The following CFAP74 variants were observed in gnomAD, a reference collection of about 807,000 sequenced individuals.
CFAP74 encodes cilia and flagella associated protein 74.
Under a neutral mutation model 188.9 loss-of-function variants are expected in CFAP74, and 124 were observed. The ratio of observed to expected loss-of-function variants is 0.66; its 90% CI spans 0.57 to 0.76. The LOEUF is 0.76. Among genes scored for constraint, CFAP74 ranks in the 30% least tolerant of loss-of-function variants. The pLI, the probability that CFAP74 is intolerant of heterozygous loss-of-function variation, is 0.00. For missense variants in CFAP74, 2,198 were observed against 2,165.2 expected, an observed-to-expected ratio of 1.02 and a Z score of -0.30; for synonymous variants, 956 against 916.7, an observed-to-expected ratio of 1.04 and a Z score of -0.77.
rs1570818747 is a variant in CFAP74 at position 1,927,457 on chromosome 1, C to T, written c.3527+150G>A. 7.8e-6 allele frequency: 6 copies of T among 769,300 alleles called. No homozygotes were observed. The East Asian group carries it at 1.6e-4, about 21-fold the overall frequency. The allele number at this position is 769,300 out of a possible 1,614,324, so 47.7% of individuals were successfully genotyped here. A position where few individuals can be genotyped will look rare whatever the true frequency, so the allele number is the denominator to read the frequency against. ...TGGGTAGGTCCCAGGAAGGCAGCACCTGGATCCAGCTGTGTCTGAAGGCAT... is the reference window on the plus strand; with the variant it reads ...TGGGTAGGTCCCAGGAAGGCAGCACTTGGATCCAGCTGTGTCTGAAGGCAT... On this transcript the variant is annotated intron_variant, in intron 28 of 38. Transcript: ENST00000682832.
intron 3 of CFAP74, 39 bp downstream of exon 3, chr1:1,988,836 ACCCCCACCCCCACC>A (rs1657403397): frequency 8.9e-6 from 1 of 112,280 alleles, no homozygotes; most frequent in African/African-American, 1.7e-4. Flanking sequence ...CCCCACCCCC[ACCCCCACCCCCACC>A]CCCCCACACC....
chr1:1,934,565 G>A (rs3121831), intron 25 of CFAP74, among the ~76,000 whole-genome samples: 69,554 of 137,446 alleles, frequency 0.51, 16,217 homozygotes, highest in East Asian at 0.6. Context: ...AGGTACACAC[G>A]TGTGTACGTG....
chr1:2,001,408 C>A (rs1270437522), intron 1 of CFAP74, among the ~76,000 whole-genome samples: 1 of 151,784 alleles, frequency 6.6e-6, no homozygotes, highest in Non-Finnish European at 1.5e-5. Flanking sequence ...CGGCTCACTG[C>A]AAACTCCGCC....
chr1:1,958,210 G>A (rs1271733548), intron 16 of CFAP74, among the ~76,000 whole-genome samples: 1 of 152,256 alleles, frequency 6.6e-6, no homozygotes, highest in Non-Finnish European at 1.5e-5. Flanking sequence ...TGACCATGAG[G>A]GCGTCTGCTG....
rs754382300 is a variant in CFAP74 at position 1,986,968 on chromosome 1, C to T, written c.364G>A (p.Glu122Lys). 14 of 1,601,610 alleles carry T rather than the reference C, an allele frequency of 8.7e-6. No individual in the cohort carries two copies. Among genetic ancestry groups the T allele is most frequent in the Middle Eastern group, 3.3e-4 (2 of 6,076 alleles). The change falls in exon 5 of 39, where the codon GAG becomes AAG. Residue 122 changes from glutamate (E) to lysine (K), a missense_variant. Transcript: ENST00000682832. ...IDKQQEAVAA[E>K]IATEEEAGNM... Reference sequence around the variant, plus strand: ...CCCGCCTCTTCCTCTGTGGCGATCTCGGCTGCCACAGCCTCCTGCTGCTTG... The same window carrying T: ...CCCGCCTCTTCCTCTGTGGCGATCTTGGCTGCCACAGCCTCCTGCTGCTTG...
intron 6 of CFAP74, among the ~76,000 whole-genome samples, chr1:1,983,176 T>C (rs957796732): frequency 6.6e-6 from 1 of 151,850 alleles, no homozygotes; most frequent in Non-Finnish European, 1.5e-5. Context: ...AGCCAACTAA[T>C]AGGAAGGGAT....
intron 1 of CFAP74, among the ~76,000 whole-genome samples, chr1:1,994,455 T>C (rs1657805062): frequency 6.6e-6 from 1 of 152,210 alleles, no homozygotes; most frequent in Non-Finnish European, 1.5e-5. Context: ...ATGCCAGTAA[T>C]TTTTTAAACT....
chr1:1,986,914 G>T (rs1404531054), intron 5 of CFAP74, 23 bp downstream of exon 5: 1 of 1,590,880 alleles, frequency 6.3e-7, no homozygotes, highest in East Asian at 2.2e-5. Context: ...CCGGTTCCCT[G>T]CCCCCTGGCG....
intron 1 of CFAP74, among the ~76,000 whole-genome samples, chr1:1,993,921 G>A (rs929444431): frequency 6.6e-6 from 1 of 151,108 alleles, no homozygotes; most frequent in Non-Finnish European, 1.5e-5. Flanking sequence ...GGCGGAGCTT[G>A]CAGTGAGCCG....
intron 6 of CFAP74, among the ~76,000 whole-genome samples, chr1:1,974,943 T>G (rs1354091098): frequency 6.6e-6 from 1 of 152,118 alleles, no homozygotes; most frequent in East Asian, 1.9e-4. Flanking sequence ...AGACACCTGG[T>G]GGAGGGATGC....
intron 18 of CFAP74, 153 bp downstream of exon 18, chr1:1,955,538 A>G (rs762823278): frequency 2.5e-6 from 4 of 1,610,672 alleles, no homozygotes; most frequent in Middle Eastern, 1.7e-4. Flanking sequence ...GTGGCACATA[A>G]GAATATTTTC....
At position 1,971,007 on chromosome 1, in the gene CFAP74, T is replaced by C. The variant is rs555460786; in HGVS notation, c.889-191A>G. Among the ~76,000 whole-genome samples, 38 of 129,104 alleles carry C rather than the reference T, an allele frequency of 2.9e-4. No individual in the cohort carries two copies. The East Asian group carries it at 8.6e-3, about 29-fold the overall frequency. The allele number at this position is 129,104 out of a possible 152,430, so 84.7% of individuals were successfully genotyped here. A position where few individuals can be genotyped will look rare whatever the true frequency, so the allele number is the denominator to read the frequency against. On this transcript the variant is annotated intron_variant, in intron 9 of 38. Coordinates refer to ENST00000682832, the MANE Select transcript of CFAP74 (RefSeq NM_001304360.2). ...ACACGTGCACACACACACGCACACC[T>C]GCACATGCACACATCACACATGCAC...
At chr1:1,983,057 G>A (rs1570974170) in intron 6 of CFAP74, among the ~76,000 whole-genome samples, 1 of 152,320 alleles carries the variant, frequency 6.6e-6, no homozygotes, top group Admixed American at 6.5e-5. Context: ...CAAGGCGGCT[G>A]GAGCACCCAG....
At chr1:1,955,571 C>G (rs755699694) in intron 18 of CFAP74, 120 bp downstream of exon 18, 20 of 1,611,878 alleles carry the variant, frequency 1.2e-5, no homozygotes, top group Non-Finnish European at 1.5e-5. Flanking sequence ...CACTTAACAT[C>G]GAAGGCCTAG....
chr1:1,934,316 G>A (rs1457157156), intron 25 of CFAP74, among the ~76,000 whole-genome samples: 2 of 145,302 alleles, frequency 1.4e-5, no homozygotes, highest in African/African-American at 2.5e-5. Flanking sequence ...AGGTGTACAC[G>A]TGGGTGTTAG....
intron 34 of CFAP74, among the ~76,000 whole-genome samples, 183 bp downstream of exon 34, chr1:1,924,208 G>A (rs866638570): frequency 0.27 from 3,628 of 13,330 alleles, 496 homozygotes; most frequent in African/African-American, 0.47. Context: ...CACCGCCCGT[G>A]CCCGCCAGCT....
chr1:1,987,277 G>A (rs1245762759), intron 4 of CFAP74, among the ~76,000 whole-genome samples: 6 of 152,234 alleles, frequency 3.9e-5, no homozygotes, highest in East Asian at 1.9e-4. Context: ...CCCCAGGGCC[G>A]AGGACGGTGC....
At chr1:1,969,949 C>G (rs1019971902) in intron 10 of CFAP74, among the ~76,000 whole-genome samples, 1 of 152,234 alleles carries the variant, frequency 6.6e-6, no homozygotes, top group Admixed American at 6.5e-5. Flanking sequence ...AAACCCAGGA[C>G]AGGGTGGTTT....
intron 28 of CFAP74, 70 bp downstream of exon 28, chr1:1,927,537 C>T: frequency 7.0e-7 from 1 of 1,420,648 alleles, no homozygotes; most frequent in African/African-American, 1.4e-5. Flanking sequence ...GGGGACTCTA[C>T]AGGGGCCACA....
Sources: allele counts gnomAD v4.1 joint callset (sites outside exome capture counted in the v4.1 genomes callset), GRCh38; gene constraint gnomAD v4.1.1; transcripts MANE v1.5; gene names NCBI Gene and HGNC (gene_info 2026-07-23, HGNC 2026-07-21).